The following GOLGA2 variants were observed in gnomAD, a reference collection of about 807,000 sequenced individuals.
GOLGA2 encodes golgin A2, also known as golgin subfamily A member 2.
In GOLGA2, 49 loss-of-function variants were observed where a neutral mutation model predicts 148.8. The ratio of observed to expected loss-of-function variants is 0.33; its 90% CI spans 0.26 to 0.42. GOLGA2 has a LOEUF of 0.42. GOLGA2 is among the 10% of genes least tolerant of loss of function. The pLI is 1.00. For synonymous variants in GOLGA2, 501 were observed against 511.8 expected (o/e 0.98, Z 0.28); for missense variants, 1,178 against 1,304.6 (o/e 0.90, Z 1.49).
At chr9:128,275,570 T>C (rs1831278100) in intron 1 of GOLGA2, 12 of 1,126,506 alleles carry the variant, frequency 1.1e-5, no homozygotes, top group African/African-American at 3.4e-5. Flanking sequence ...AGGGGCTGAA[T>C]TGCTGGGGTC....
chr9:128,262,815 AC>A, intron 13 of GOLGA2, 111 bp from the exon 14 acceptor site: 1 of 1,061,932 alleles, frequency 9.4e-7, no homozygotes, highest in Middle Eastern at 2.9e-4. Flanking sequence ...ACTGGAAGGA[AC>A]CCCAGGAATC....
Position 128,257,030 on chromosome 9 carries a change from C to A in GOLGA2, c.*37G>T, listed in dbSNP as rs1829908346. The A allele has an allele frequency of 1.3e-6, 2 of 1,493,208 alleles. No individual in the cohort carries two copies. The highest frequency in any genetic ancestry group is 1.9e-6 in the Non-Finnish European group (2 of 1,077,082). The allele number at this position is 1,493,208 out of a possible 1,614,324, so 92.5% of individuals were successfully genotyped here. ...GATATGGTGGGGGCAGGGTATCCAG[C>A]CCCACTTCTTCAGGCTTTGCTGACA... On this transcript the variant is annotated 3_prime_UTR_variant, in exon 27 of 27. Coordinates refer to ENST00000611957, the MANE Select transcript of GOLGA2 (RefSeq NM_001366244.2). The surrounding 1 kb of genome is among the most constrained non-coding windows in gnomAD (Gnocchi z 8.0).
Position 128,260,836 on chromosome 9 carries a change from A to T in GOLGA2, c.1421-34T>A, listed in dbSNP as rs1409741666. 6.9e-7 allele frequency: 1 copy of T among 1,453,596 alleles called. No homozygotes were observed. The highest frequency in any genetic ancestry group is 9.4e-7 in the Non-Finnish European group (1 of 1,067,088). 90.0% of individuals were successfully genotyped at this position (1,453,596 alleles called of 1,614,324 possible). A position where few individuals can be genotyped will look rare whatever the true frequency, so the allele number is the denominator to read the frequency against. ...GGACGCAGACAATAAAAGCCTCTGG[A>T]TTCTCAAAAAAACCCTCCTCTTGGT... On this transcript the variant is annotated intron_variant, in intron 17 of 26. Coordinates refer to ENST00000611957, the MANE Select transcript of GOLGA2 (RefSeq NM_001366244.2). This position sits in a 1 kb window ranked among gnomAD's most constrained non-coding sequence, Gnocchi z 4.8.
rs563199088 is a variant in GOLGA2 at position 128,271,539 on chromosome 9, G to A, written c.288+1246C>T. Among the ~76,000 whole-genome samples, 1 of 152,190 alleles carries A rather than the reference G, an allele frequency of 6.6e-6. No individual in the cohort carries two copies. The highest frequency in any genetic ancestry group is 2.1e-4 in the South Asian group (1 of 4,826). On this transcript the variant is annotated intron_variant, in intron 3 of 26. Transcript: ENST00000611957. The surrounding 1 kb of genome is among the most constrained non-coding windows in gnomAD (Gnocchi z 4.4). Reference sequence around the variant, plus strand: ...ACCTCCATGCCCTGCCCCCCACCAGGCTCCCTGTGTTCCTGAAAGGTGCTC... The same window carrying A: ...ACCTCCATGCCCTGCCCCCCACCAGACTCCCTGTGTTCCTGAAAGGTGCTC...
Position 128,261,242 on chromosome 9 carries a change from C to T in GOLGA2, c.1350G>A (p.Glu450=). ...CCCGACTCATGCTACATTCCTTCTC[C>T]TCTCTCAATGTGTGCACCTGCCCAA... is the stretch of plus-strand genomic sequence containing the variant. ...QMSEQVHTLR[E]EKECSMSRVQ... Residue 450 remains glutamate, a synonymous_variant, in exon 17 of 27, where the codon GAG becomes GAA. Coordinates refer to ENST00000611957, the MANE Select transcript of GOLGA2 (RefSeq NM_001366244.2). The surrounding 1 kb of genome is among the most constrained non-coding windows in gnomAD (Gnocchi z 5.7). 1 of 1,613,732 alleles carries T rather than the reference C, an allele frequency of 6.2e-7. No homozygotes were observed. The highest frequency in any genetic ancestry group is 1.3e-5 in the African/African-American group (1 of 75,018).
intron 1 of GOLGA2, 30 bp from the exon 2 acceptor site, chr9:128,274,002 G>A: frequency 1.2e-6 from 2 of 1,604,710 alleles, no homozygotes; most frequent in Non-Finnish European, 1.7e-6. Flanking sequence ...TAATATTCAT[G>A]AGATCTACAA....
chr9:128,274,760 G>A (rs1445435802), intron 1 of GOLGA2, among the ~76,000 whole-genome samples: 1 of 152,172 alleles, frequency 6.6e-6, no homozygotes, highest in East Asian at 1.9e-4. Context: ...AAATTTATGT[G>A]ACTGTCATCC....
chr9:128,258,825 G>A lies in GOLGA2; in HGVS notation c.2173+182C>T. 1.6e-6 allele frequency: 1 copy of A among 626,930 alleles called. No individual in the cohort carries two copies. The highest frequency in any genetic ancestry group is 1.8e-5 in the African/African-American group (1 of 54,564). The allele number at this position is 626,930 out of a possible 1,614,324, so 38.8% of individuals were successfully genotyped here. A position where few individuals can be genotyped will look rare whatever the true frequency, so the allele number is the denominator to read the frequency against. On this transcript the variant is annotated intron_variant, in intron 21 of 26. Transcript: ENST00000611957. The surrounding 1 kb of genome is among the most constrained non-coding windows in gnomAD (Gnocchi z 6.6). ...CCTGGGCCAGTTCACCCATCCTTAG[G>A]TAAGCTGGTAGTGCCCTGCTCCCAG...
chr9:128,265,676 A>G lies in GOLGA2; in HGVS notation c.842T>C (p.Leu281Pro), dbSNP rs1199221559. 1 of 1,613,938 alleles carries G rather than the reference A, an allele frequency of 6.2e-7. No individual in the cohort carries two copies. The highest frequency in any genetic ancestry group is 2.2e-5 in the East Asian group (1 of 44,884). ...ARQKEGESEDLASRLQYSRRR... is the reference protein window; with the variant it reads ...ARQKEGESEDPASRLQYSRRR... ...CCGGGAATACTGCAGGCGGCTGGCCAGATCTTCAGACTCTCCTGGAATGAG... is the reference window on the plus strand; with the variant it reads ...CCGGGAATACTGCAGGCGGCTGGCCGGATCTTCAGACTCTCCTGGAATGAG... Residue 281 changes from leucine to proline, a missense_variant, in exon 12 of 27, where the codon CTG becomes CCG. This residue lies in a region of GOLGA2 where 304 missense variants were observed against 404.1 expected (regional missense o/e 0.75). Transcript: ENST00000611957.
rs746079837 is a variant in GOLGA2, at chr9:128,273,744, C to T, written c.207+106G>A. 3.0e-5 allele frequency: 42 copies of T among 1,392,108 alleles called. No individual in the cohort carries two copies. The African/African-American group carries it at 5.4e-4, about 18-fold the overall frequency. The allele number at this position is 1,392,108 out of a possible 1,614,324, so 86.2% of individuals were successfully genotyped here. A position where few individuals can be genotyped will look rare whatever the true frequency, so the allele number is the denominator to read the frequency against. On this transcript the variant is annotated intron_variant, in intron 2 of 26. Coordinates refer to ENST00000611957, the MANE Select transcript of GOLGA2 (RefSeq NM_001366244.2). Reference sequence around the variant, plus strand: ...GCAGATGGACAGGTAGGATACAAACCCAGAACTCTTAATCAGTACCCAACA... The same window carrying T: ...GCAGATGGACAGGTAGGATACAAACTCAGAACTCTTAATCAGTACCCAACA...
chr9:128,265,526 C>T (rs954786317), intron 12 of GOLGA2, 59 bp downstream of exon 12: 3 of 1,244,106 alleles, frequency 2.4e-6, no homozygotes, highest in East Asian at 2.3e-5. Flanking sequence ...GACCTTTAGG[C>T]TCACTCCTCC....
In GOLGA2 at chr9:128,263,054, C is replaced by T. The variant is rs758514922; in HGVS notation, c.972G>A (p.Arg324=). The T allele has an allele frequency of 9.3e-6, 15 of 1,610,722 alleles. No homozygotes were observed. Among genetic ancestry groups the T allele is most frequent in the Non-Finnish European group, 1.1e-5 (13 of 1,177,096 alleles). Residue 324 remains arginine (R), a synonymous_variant, in exon 13 of 27, where the codon AGG becomes AGA. Coordinates refer to ENST00000611957, the MANE Select transcript of GOLGA2 (RefSeq NM_001366244.2). ...CCTACGTGTTCTTGTATAACTCCAGCCTGAGGGCGTCTCTCTCTTTGGTTA... is the reference window on the plus strand; with the variant it reads ...CCTACGTGTTCTTGTATAACTCCAGTCTGAGGGCGTCTCTCTCTTTGGTTA... ...KELTKERDAL[R]LELYKNTQSN...
At chr9:128,270,572 T>C (rs996802320) in intron 3 of GOLGA2, among the ~76,000 whole-genome samples, 2 of 152,148 alleles carry the variant, frequency 1.3e-5, no homozygotes, top group African/African-American at 4.8e-5. Flanking sequence ...TCCCATCCCA[T>C]TAAGATATTT....
Position 128,260,112 on chromosome 9 carries a change from G to T in GOLGA2, c.1836C>A (p.Gly612=). The change falls in exon 19 of 27, where the codon GGC becomes GGA. Residue 612 remains glycine, a synonymous_variant. Transcript: ENST00000611957. This position sits in a 1 kb window ranked among gnomAD's most constrained non-coding sequence, Gnocchi z 4.8. ...GCTCGCTCAGCTTCTCCTGCAGCTCGCCCAGCTTCTTTCCCAGCTCCCTCT... is the reference window on the plus strand; with the variant it reads ...GCTCGCTCAGCTTCTCCTGCAGCTCTCCCAGCTTCTTTCCCAGCTCCCTCT... ...HVKRELGKKL[G]ELQEKLSELK... The T allele has an allele frequency of 6.2e-7, 1 of 1,610,634 alleles. No homozygotes were observed. The highest frequency in any genetic ancestry group is 8.5e-7 in the Non-Finnish European group (1 of 1,179,578).
At chr9:128,259,443 A>C (rs1186592731) in intron 19 of GOLGA2, 52 bp from the exon 20 acceptor site, 3 of 1,204,964 alleles carry the variant, frequency 2.5e-6, no homozygotes, top group Non-Finnish European at 3.6e-6. Flanking sequence ...TTCCAGATTC[A>C]GGGCCCATAA....
chr9:128,260,758 C>G lies in GOLGA2; in HGVS notation c.1465G>C (p.Glu489Gln). The change falls in exon 18 of 27, where the codon GAG becomes CAG. Residue 489 changes from glutamate to glutamine, a missense_variant. Physicochemically the swap from Glu to Gln is conservative, Grantham distance 29. Around this residue, in one of 5 missense-constraint regions of GOLGA2, gnomAD observed 529 missense variants for 521.8 expected, o/e 1.01. Coordinates refer to ENST00000611957, the MANE Select transcript of GOLGA2 (RefSeq NM_001366244.2). This position sits in a 1 kb window ranked among gnomAD's most constrained non-coding sequence, Gnocchi z 4.8. ...TCAGCCTCCGCTTGTAGCTGCTGCT[C>G]CACCTCGGAGGGCCCTGCTGGGGGC... ...PEPPAGPSEV[E>Q]QQLQAEAEHL... is the part of the protein sequence containing the mutation. 6.2e-7 allele frequency: 1 copy of G among 1,612,460 alleles called. No homozygotes were observed. Among genetic ancestry groups the G allele is most frequent in the Non-Finnish European group, 8.5e-7 (1 of 1,179,660 alleles).
At chr9:128,273,548 T>C (rs1831089843) in intron 2 of GOLGA2, 2 of 477,992 alleles carry the variant, frequency 4.2e-6, no homozygotes, top group Non-Finnish European at 7.3e-6. Context: ...CAACTACCAT[T>C]TCCTGGGTGT....
Position 128,266,339 on chromosome 9 carries a change from T to A in GOLGA2, c.643-14A>T, listed in dbSNP as rs1564366758. ...GTTCTGTTGTTTCTGTGGGGAAGAGTCAAAGGAAGGTGACTGAGGGTGGCC... is the reference window on the plus strand; with the variant it reads ...GTTCTGTTGTTTCTGTGGGGAAGAGACAAAGGAAGGTGACTGAGGGTGGCC... On this transcript the variant is annotated splice_polypyrimidine_tract_variant and intron_variant, in intron 8 of 26. Coordinates refer to ENST00000611957, the MANE Select transcript of GOLGA2 (RefSeq NM_001366244.2). This position sits in a 1 kb window ranked among gnomAD's most constrained non-coding sequence, Gnocchi z 4.2. 6.2e-7 allele frequency: 1 copy of A among 1,611,294 alleles called. No homozygotes were observed.
chr9:128,261,673 C>T lies in GOLGA2; in HGVS notation c.1219G>A (p.Gly407Arg), dbSNP rs1256716977. The change falls in exon 15 of 27, where the codon GGG becomes AGG. Residue 407 changes from glycine (G) to arginine (R), a missense_variant. Physicochemically the swap from Gly to Arg is moderately radical, Grantham distance 125. Around this residue, in one of 5 missense-constraint regions of GOLGA2, gnomAD observed 304 missense variants for 404.1 expected, o/e 0.75. Transcript: ENST00000611957. This position sits in a 1 kb window ranked among gnomAD's most constrained non-coding sequence, Gnocchi z 5.7. ...CCTCCCCTGCAAAGCCTCACCTGCC[C>T]CAGGTGTGCTTCCAGCTGTGCCCGC... ...EERAQLEAHL[G>R]QVMESVRQLQ... 2.5e-6 allele frequency: 4 copies of T among 1,606,958 alleles called. No homozygotes were observed. In the African/African-American group the frequency reaches 5.4e-5, roughly 21 times the overall value.
Sources: allele counts gnomAD v4.1 joint callset (sites outside exome capture counted in the v4.1 genomes callset), GRCh38; gene constraint gnomAD v4.1.1; regional missense constraint gnomAD v4.1.1; non-coding constraint Gnocchi (gnomAD v3.1); transcripts MANE v1.5; gene names NCBI Gene and HGNC (gene_info 2026-07-23, HGNC 2026-07-21).